Variants in SH3BGRL2 observed in about 807,000 individuals in gnomAD.
SH3BGRL2 encodes SH3 domain binding glutamate rich protein like 2.
Under a neutral mutation model 14.8 loss-of-function variants are expected in SH3BGRL2, and 21 were observed. The observed-to-expected ratio is 1.42, with a 90% confidence interval of 1.01 to 2.05. SH3BGRL2 has a LOEUF of 2.05. Among genes scored for constraint, SH3BGRL2 ranks in the 30% most tolerant of loss-of-function variants. The pLI is 0.00. For synonymous variants in SH3BGRL2, 50 were observed against 47.8 expected, an observed-to-expected ratio of 1.05 and a Z score of -0.19; for missense variants, 147 against 130.8, an observed-to-expected ratio of 1.12 and a Z score of -0.61.
chr6:79,671,122 A>G (rs1055874732), intron 1 of SH3BGRL2, among the ~76,000 whole-genome samples: 3 of 152,132 alleles, frequency 2.0e-5, no homozygotes, highest in Non-Finnish European at 4.4e-5. Flanking sequence ...AGGGTGTTTA[A>G]GTAAAAAAAA....
chr6:79,698,096 G>A (rs987618137), intron 3 of SH3BGRL2, among the ~76,000 whole-genome samples: 2 of 152,122 alleles, frequency 1.3e-5, no homozygotes, highest in Non-Finnish European at 2.9e-5. Flanking sequence ...CCATCCTAAA[G>A]GTAGTGAGGG....
chr6:79,683,069 G>A (rs1169915835), intron 2 of SH3BGRL2, among the ~76,000 whole-genome samples: 2 of 152,028 alleles, frequency 1.3e-5, no homozygotes, highest in Non-Finnish European at 2.9e-5. Flanking sequence ...GCTGGGGGAG[G>A]GATAGCATTA....
intron 1 of SH3BGRL2, among the ~76,000 whole-genome samples, chr6:79,639,859 G>C (rs929569902): frequency 6.6e-6 from 1 of 151,998 alleles, no homozygotes; most frequent in Non-Finnish European, 1.5e-5. Flanking sequence ...ATTTTTTTCT[G>C]TGATTGATTT....
At chr6:79,650,758 A>T (rs914597444) in intron 1 of SH3BGRL2, among the ~76,000 whole-genome samples, 2 of 152,124 alleles carry the variant, frequency 1.3e-5, no homozygotes, top group African/African-American at 4.8e-5. Flanking sequence ...AACATTGACA[A>T]TCAAATTTCA....
chr6:79,620,388 G>A, the SH3BGRL2 span, among the ~76,000 whole-genome samples: 2 of 151,846 alleles, frequency 1.3e-5, no homozygotes, highest in African/African-American at 4.8e-5. Flanking sequence ...AATGAGGTGC[G>A]TTTATCAGAC....
At chr6:79,684,618 C>T (rs967412341) in intron 2 of SH3BGRL2, among the ~76,000 whole-genome samples, 9 of 152,228 alleles carry the variant, frequency 5.9e-5, no homozygotes, top group Non-Finnish European at 1.2e-4. Flanking sequence ...ATTTGCTGTA[C>T]GTGGTTTGAA....
chr6:79,574,277 T>G, the SH3BGRL2 span: 1 of 152,140 alleles, frequency 6.6e-6, no homozygotes, highest in Non-Finnish European at 1.5e-5. Flanking sequence ...GGTGGGAAAC[T>G]GTGGGAAGGG....
upstream of SH3BGRL2, among the ~76,000 whole-genome samples, chr6:79,630,956 G>C (rs1768809669): frequency 6.6e-6 from 1 of 152,180 alleles, no homozygotes; most frequent in African/African-American, 2.4e-5. Context: ...ATGTGTGCCC[G>C]CAGCACGATC....
chr6:79,599,857 T>C, the SH3BGRL2 span, among the ~76,000 whole-genome samples: 1 of 152,204 alleles, frequency 6.6e-6, no homozygotes, highest in Non-Finnish European at 1.5e-5. Context: ...AGCTTTTGTT[T>C]GTTTTTATTC....
intron 2 of SH3BGRL2, among the ~76,000 whole-genome samples, chr6:79,691,705 A>G (rs1336586464): frequency 6.6e-6 from 1 of 150,874 alleles, no homozygotes; most frequent in Admixed American, 6.6e-5. Flanking sequence ...TTATGGCTGC[A>G]TAGTATTCCA....
At chr6:79,624,276 T>C in the SH3BGRL2 span, among the ~76,000 whole-genome samples, 2 of 149,818 alleles carry the variant, frequency 1.3e-5, no homozygotes, top group Non-Finnish European at 3.0e-5. Flanking sequence ...ATATAGTATA[T>C]CATATATATA....
At chr6:79,656,856 C>G (rs936190835) in intron 1 of SH3BGRL2, among the ~76,000 whole-genome samples, 8 of 152,038 alleles carry the variant, frequency 5.3e-5, no homozygotes, top group Non-Finnish European at 1.2e-4. Flanking sequence ...TGAGGGACAA[C>G]TGTAACATAA....
the SH3BGRL2 span, among the ~76,000 whole-genome samples, chr6:79,570,404 T>C: frequency 6.6e-6 from 1 of 152,268 alleles, no homozygotes; most frequent in Middle Eastern, 3.4e-3. Context: ...GCTGGAAAGA[T>C]AGGGAATCAA....
At chr6:79,564,545 G>T in the SH3BGRL2 span, among the ~76,000 whole-genome samples, 2 of 152,086 alleles carry the variant, frequency 1.3e-5, no homozygotes, top group Non-Finnish European at 2.9e-5. Flanking sequence ...GAGCTATCTG[G>T]CTTCCAAGTT....
chr6:79,594,491 G>A, the SH3BGRL2 span, among the ~76,000 whole-genome samples: 1 of 152,158 alleles, frequency 6.6e-6, no homozygotes, highest in African/African-American at 2.4e-5. Flanking sequence ...CTCCCCTACA[G>A]TGGGCAGTGG....
the SH3BGRL2 span, among the ~76,000 whole-genome samples, chr6:79,582,816 G>C: frequency 6.6e-6 from 1 of 152,044 alleles, no homozygotes; most frequent in Non-Finnish European, 1.5e-5. Context: ...ACTTCTGCAC[G>C]GCAAAAGAAA....
chr6:79,627,432 TA>T (rs951528880), upstream of SH3BGRL2, among the ~76,000 whole-genome samples: 1 of 152,160 alleles, frequency 6.6e-6, no homozygotes, highest in Non-Finnish European at 1.5e-5. Flanking sequence ...TGGCATAACT[TA>T]AATAATATCC....
chr6:79,696,438 A>C (rs1258878112), intron 2 of SH3BGRL2, 47 bp from the exon 3 acceptor site: 2 of 1,343,866 alleles, frequency 1.5e-6, no homozygotes, highest in African/African-American at 1.5e-5. Context: ...ATATAAAGAT[A>C]ATTGTTTGCT....
chr6:79,538,902 C>T, the SH3BGRL2 span, among the ~76,000 whole-genome samples: 1 of 152,332 alleles, frequency 6.6e-6, no homozygotes, highest in South Asian at 2.1e-4. Flanking sequence ...AAAGTATCTA[C>T]CACAAGGTAC....
Sources: gnomAD v4.1 joint callset for allele counts (sites outside exome capture counted in the v4.1 genomes callset) on GRCh38, gnomAD v4.1.1 for gene constraint, MANE v1.5 for transcripts, NCBI Gene and HGNC (gene_info 2026-07-23, HGNC 2026-07-21) for gene names.